Variants in EIPR1 observed in about 807,000 individuals in gnomAD.
EIPR1 encodes the protein EARP and GARP complex-interacting protein 1.
A neutral mutation model predicts 48.1 loss-of-function variants in EIPR1; 25 were observed. The observed-to-expected ratio is 0.52, with a 90% CI of 0.38 to 0.73. EIPR1 has a LOEUF of 0.73. EIPR1 is among the 30% of genes least tolerant of loss of function. The pLI, the probability that EIPR1 is intolerant of heterozygous loss-of-function variation, is 0.00. For missense variants in EIPR1, 415 were observed against 506.2 expected (o/e 0.82, Z 1.73); for synonymous variants, 204 against 201.9 (o/e 1.01, Z -0.09).
chr2:3,214,480 C>A, intron 4 of EIPR1: 2 of 427,040 alleles, frequency 4.7e-6, no homozygotes, highest in South Asian at 3.0e-5. Context: ...GTCCTAGCCC[C>A]CCACCTGGTG....
At chr2:3,268,065 TGTGA>T (rs1667547186) in intron 3 of EIPR1, among the ~76,000 whole-genome samples, 1 of 152,194 alleles carries the variant, frequency 6.6e-6, no homozygotes, top group Non-Finnish European at 1.5e-5. Flanking sequence ...CTGGAGTGGT[TGTGA>T]GTGTGTGCAG....
rs1669146329 is a variant in EIPR1, at chr2:3,312,027, A to C, written c.259+25990T>G. Among the ~76,000 whole-genome samples the C allele has an allele frequency of 6.6e-6, 1 of 151,802 alleles. No homozygotes were observed. On this transcript the variant is annotated intron_variant, in intron 3 of 8. Transcript: ENST00000382125. The surrounding 1 kb of genome is among the most constrained non-coding windows in gnomAD (Gnocchi z 5.5). ...ACTCTCGTGCTGACATACAAATGAC[A>C]CCCTCCACCCTATAGCTTTCATTGA... is the stretch of plus-strand genomic sequence containing the variant.
At chr2:3,211,701 T>C (rs1165251544) in intron 5 of EIPR1, among the ~76,000 whole-genome samples, 3 of 152,236 alleles carry the variant, frequency 2.0e-5, no homozygotes, top group Non-Finnish European at 4.4e-5. Flanking sequence ...TCTCTCTAGA[T>C]GGCCACCTTC....
intron 3 of EIPR1, among the ~76,000 whole-genome samples, chr2:3,326,345 A>G (rs1164590131): frequency 1.3e-5 from 2 of 152,176 alleles, no homozygotes; most frequent in East Asian, 3.8e-4. Flanking sequence ...GGTAAGCAGC[A>G]GAGGGAAAAG....
At chr2:3,216,527 C>T (rs1665644654) in intron 4 of EIPR1, among the ~76,000 whole-genome samples, 1 of 151,982 alleles carries the variant, frequency 6.6e-6, no homozygotes, top group South Asian at 2.1e-4. Flanking sequence ...TGAGAACTAG[C>T]CAATCTGATG....
chr2:3,329,042 C>T (rs184400684), intron 3 of EIPR1, among the ~76,000 whole-genome samples: 1 of 107,418 alleles, frequency 9.3e-6, no homozygotes, highest in Non-Finnish European at 1.8e-5. Flanking sequence ...AATCAGAGCC[C>T]ACCCACCACG....
chr2:3,198,269 C>T (rs1443857050), intron 5 of EIPR1, among the ~76,000 whole-genome samples: 1 of 152,254 alleles, frequency 6.6e-6, no homozygotes, highest in African/African-American at 2.4e-5. Context: ...GAGGTGGCCA[C>T]TGGGAGGCGT....
chr2:3,228,275 A>G (rs1666128540), intron 4 of EIPR1, among the ~76,000 whole-genome samples: 1 of 152,268 alleles, frequency 6.6e-6, no homozygotes, highest in Admixed American at 6.5e-5. Context: ...ACATGGAGTC[A>G]AAGGAGATCA....
chr2:3,331,106 CACACACTCCTGAGGTG>C (rs1669885513), intron 3 of EIPR1, among the ~76,000 whole-genome samples: 1 of 123,226 alleles, frequency 8.1e-6, no homozygotes, highest in Non-Finnish European at 1.8e-5. Context: ...CAGAGGCAGG[CACACACTCCTGAGGTG>C]GTGTGAGCAG....
At chr2:3,197,961 C>A (rs892507352) in intron 5 of EIPR1, among the ~76,000 whole-genome samples, 1 of 152,194 alleles carries the variant, frequency 6.6e-6, no homozygotes, top group African/African-American at 2.4e-5. Flanking sequence ...GCCCAATGAC[C>A]GAGCTGGTGC....
At chr2:3,190,955 A>G (rs1664584987) in intron 8 of EIPR1, among the ~76,000 whole-genome samples, 1 of 33,222 alleles carries the variant, frequency 3.0e-5, no homozygotes. Context: ...TTAGCCAGAC[A>G]TGGTGCCATG....
chr2:3,198,866 TC>T (rs144941149), intron 5 of EIPR1, among the ~76,000 whole-genome samples: 2,097 of 152,236 alleles, frequency 0.014, 49 homozygotes, highest in African/African-American at 0.048. Context: ...AACTTCCATG[TC>T]CCACTGTGCT....
At chr2:3,196,780 C>A in intron 6 of EIPR1, 101 bp downstream of exon 6, 1 of 1,467,108 alleles carries the variant, frequency 6.8e-7, no homozygotes. Context: ...AAACCATGCG[C>A]CCCCAAAGGC....
chr2:3,357,686 C>T (rs1473641903), intron 1 of EIPR1, among the ~76,000 whole-genome samples: 1 of 152,244 alleles, frequency 6.6e-6, no homozygotes, highest in African/African-American at 2.4e-5. Context: ...ATAAATTTGT[C>T]CTGACCACAA....
At chr2:3,288,564 T>A (rs1276089363) in intron 3 of EIPR1, among the ~76,000 whole-genome samples, 2 of 151,978 alleles carry the variant, frequency 1.3e-5, no homozygotes, top group Admixed American at 6.5e-5. Flanking sequence ...AAAACCAGGG[T>A]GTCACTGTGG....
At chr2:3,248,143 C>G (rs1666894221) in intron 4 of EIPR1, among the ~76,000 whole-genome samples, 1 of 152,100 alleles carries the variant, frequency 6.6e-6, no homozygotes, top group South Asian at 2.1e-4. Context: ...CATACACAAT[C>G]TGGATGTTTA....
intron 4 of EIPR1, among the ~76,000 whole-genome samples, chr2:3,223,481 A>G (rs891755049): frequency 2.0e-5 from 3 of 152,330 alleles, no homozygotes; most frequent in African/African-American, 4.8e-5. Flanking sequence ...GGAAGAATTC[A>G]TCCCGCCCCC....
chr2:3,371,991 T>A (rs1337583003), intron 1 of EIPR1, among the ~76,000 whole-genome samples: 3 of 152,054 alleles, frequency 2.0e-5, no homozygotes, highest in Non-Finnish European at 4.4e-5. Context: ...AGTAAAGCTC[T>A]CCTCAGCAAA....
intron 3 of EIPR1, among the ~76,000 whole-genome samples, chr2:3,278,613 G>A (rs574831558): frequency 9.7e-4 from 147 of 152,288 alleles, no homozygotes; most frequent in Admixed American, 1.8e-3. Flanking sequence ...GGCCTGGCCT[G>A]CTCTACCGGA....
Sources: gnomAD v4.1 joint callset for allele counts (sites outside exome capture counted in the v4.1 genomes callset) on GRCh38, gnomAD v4.1.1 for gene constraint, Gnocchi (gnomAD v3.1) non-coding constraint, MANE v1.5 for transcripts, NCBI Gene and HGNC (gene_info 2026-07-23, HGNC 2026-07-21) for gene names.